The following DGKZ variants were observed in gnomAD, a reference collection of about 807,000 sequenced individuals.
DGKZ encodes the protein DAG kinase zeta.
In DGKZ, 45 loss-of-function variants were observed where a neutral mutation model predicts 142.5. The observed-to-expected ratio is 0.32, with a 90% CI of 0.25 to 0.40. The LOEUF (loss-of-function observed/expected upper bound fraction) is 0.40. Among genes scored for constraint, DGKZ ranks in the 10% least tolerant of loss-of-function variants. The pLI is 1.00. For missense variants in DGKZ, 755 were observed against 1,306.5 expected, an observed-to-expected ratio of 0.58 and a Z score of 6.51; for synonymous variants, 442 against 527.0, an observed-to-expected ratio of 0.84 and a Z score of 2.21.
At chr11:46,345,390 G>A, upstream of DGKZ, 1 of 1,420,826 alleles carries the variant, frequency 7.0e-7, no homozygotes, top group Non-Finnish European at 9.1e-7. This position sits in a 1 kb window ranked among gnomAD's most constrained non-coding sequence, Gnocchi z 4.1. Context: ...GCCGAAAGAG[G>A]AAGAGAGTCG....
At chr11:46,347,348 G>A, upstream of DGKZ, 4 of 984,770 alleles carry the variant, frequency 4.1e-6, no homozygotes, top group African/African-American at 1.7e-5. This position sits in a 1 kb window ranked among gnomAD's most constrained non-coding sequence, Gnocchi z 6.4. Flanking sequence ...AGCGCAGCGG[G>A]CGTCCGGCAG....
intron 1 of DGKZ, among the ~76,000 whole-genome samples, chr11:46,342,377 G>A (rs1940322526): frequency 6.6e-6 from 1 of 152,194 alleles, no homozygotes; most frequent in Non-Finnish European, 1.5e-5. Flanking sequence ...GAAGCCTCCA[G>A]CCTGCCTGCT....
chr11:46,362,115 T>C (rs1378587333), intron 1 of DGKZ, among the ~76,000 whole-genome samples: 6 of 152,102 alleles, frequency 3.9e-5, no homozygotes, highest in Non-Finnish European at 4.4e-5. Context: ...AACCCAGGTC[T>C]GTGGGAGCAG....
intron 9 of DGKZ, 37 bp downstream of exon 9, chr11:46,371,812 G>C: frequency 6.3e-7 from 1 of 1,597,120 alleles, no homozygotes; most frequent in Non-Finnish European, 8.5e-7. Flanking sequence ...CAGGGGAGCA[G>C]GAGAGAGGGG....
In DGKZ at chr11:46,375,651, G is replaced by A. The variant is rs373692332; in HGVS notation, c.1910+20G>A. 1,385 of 1,537,416 alleles carry A rather than the reference G, an allele frequency of 9.0e-4. 3 individuals carry two copies. The highest frequency in any genetic ancestry group is 1.1e-3 in the Non-Finnish European group (1,249 of 1,145,514). On this transcript the variant is annotated intron_variant, in intron 20 of 30. Coordinates refer to ENST00000527911, the Ensembl canonical transcript of DGKZ. ...CAGCGAGTACGTCCCACCCTGCCACGTGCCCTGGGTGCCAAGGCCAGACCC... is the reference window on the plus strand; with the variant it reads ...CAGCGAGTACGTCCCACCCTGCCACATGCCCTGGGTGCCAAGGCCAGACCC...
intron 1 of DGKZ, among the ~76,000 whole-genome samples, chr11:46,352,883 C>G (rs1222290617): frequency 6.6e-6 from 1 of 152,246 alleles, no homozygotes; most frequent in Non-Finnish European, 1.5e-5. Flanking sequence ...TTGGCTGGCA[C>G]TTGGGTCACA....
At chr11:46,365,855 C>T in intron 1 of DGKZ, 1 of 985,400 alleles carries the variant, frequency 1.0e-6, no homozygotes, top group Non-Finnish European at 1.2e-6. Context: ...TTTTCTTTTC[C>T]ATCAGCTTCC....
chr11:46,333,182 C>G, exon 1 of DGKZ: 2 of 1,127,004 alleles, frequency 1.8e-6, no homozygotes, highest in South Asian at 8.3e-5. Flanking sequence ...CCCTCCCTCC[C>G]CGCCTCGCGT....
intron 1 of DGKZ, among the ~76,000 whole-genome samples, chr11:46,363,820 C>T (rs1045686776): frequency 2.0e-5 from 3 of 152,212 alleles, no homozygotes; most frequent in Non-Finnish European, 2.9e-5. Context: ...CAGGCCGGTG[C>T]CCTGACGGCA....
At chr11:46,344,956 T>G (rs1357563028), upstream of DGKZ, among the ~76,000 whole-genome samples, 2 of 152,168 alleles carry the variant, frequency 1.3e-5, no homozygotes, top group Non-Finnish European at 2.9e-5. Flanking sequence ...TCCATCCTCA[T>G]TGCTCATTTC....
intron 1 of DGKZ, among the ~76,000 whole-genome samples, chr11:46,361,337 G>C (rs540183207): frequency 1.3e-5 from 2 of 152,298 alleles, no homozygotes; most frequent in African/African-American, 4.8e-5. Flanking sequence ...GCATGGGCTG[G>C]GCTGTACTGG....
At chr11:46,362,526 T>C in intron 1 of DGKZ, among the ~76,000 whole-genome samples, 1 of 152,162 alleles carries the variant, frequency 6.6e-6, no homozygotes, top group Admixed American at 6.5e-5. Context: ...TGCCAGGCCC[T>C]GCTGTCTGCC....
At chr11:46,369,162 C>T (rs76314111) in intron 4 of DGKZ, 11 of 381,950 alleles carry the variant, frequency 2.9e-5, no homozygotes, top group East Asian at 6.0e-5. Flanking sequence ...GGCAACAGAG[C>T]GAGACTCTGT....
exon 1 of DGKZ, chr11:46,333,103 C>A: frequency 2.0e-6 from 1 of 494,494 alleles, no homozygotes; most frequent in Non-Finnish European, 3.1e-6. Context: ...CCAGGCGCAG[C>A]GCCCAGCATC....
chr11:46,333,941 C>G (rs1025657548), intron 1 of DGKZ, among the ~76,000 whole-genome samples: 3 of 152,148 alleles, frequency 2.0e-5, no homozygotes, highest in Non-Finnish European at 4.4e-5. Flanking sequence ...CTGTGGAGAC[C>G]CTGCTGCCCA....
chr11:46,365,281 G>A, intron 1 of DGKZ: 2 of 985,442 alleles, frequency 2.0e-6, no homozygotes, highest in East Asian at 1.1e-4. Context: ...AGAATGTGCA[G>A]TCACAGGCTC....
intron 19 of DGKZ, 70 bp downstream of exon 19, chr11:46,375,115 C>A: frequency 1.4e-6 from 2 of 1,387,596 alleles, no homozygotes; most frequent in South Asian, 1.4e-5. Flanking sequence ...CCATACTCAC[C>A]TCCATGGGCC....
intron 1 of DGKZ, chr11:46,364,318 A>G (rs1199235428): frequency 4.0e-6 from 5 of 1,260,094 alleles, no homozygotes; most frequent in Non-Finnish European, 3.1e-6. Flanking sequence ...CAGTTTATGA[A>G]ATGATCTAAG....
At chr11:46,338,355 G>A (rs181474943) in intron 1 of DGKZ, among the ~76,000 whole-genome samples, 1 of 151,984 alleles carries the variant, frequency 6.6e-6, no homozygotes, top group East Asian at 1.9e-4. Flanking sequence ...AATTAGCCAG[G>A]CGTGATGGTG....
Sources: allele counts gnomAD v4.1 joint callset (sites outside exome capture counted in the v4.1 genomes callset), GRCh38; gene constraint gnomAD v4.1.1; non-coding constraint Gnocchi (gnomAD v3.1); transcripts MANE v1.5; gene names NCBI Gene and HGNC (gene_info 2026-07-23, HGNC 2026-07-21).